CSMD1: variants seen among roughly 807,000 people sequenced by gnomAD.
CSMD1 encodes CUB and sushi domain-containing protein 1.
In CSMD1, 213 loss-of-function variants were observed where a neutral mutation model predicts 417.5. The observed-to-expected ratio is 0.51, with a 90% CI of 0.46 to 0.57. The LOEUF is 0.57. Among genes scored for constraint, CSMD1 ranks in the 20% least tolerant of loss-of-function variants. The pLI is 0.00. For missense variants in CSMD1, 6,923 were observed against 4,529.7 expected, an observed-to-expected ratio of 1.53 and a Z score of -15.17; for synonymous variants, 2,862 against 1,736.8, an observed-to-expected ratio of 1.65 and a Z score of -16.11.
At chr8:3,450,107 C>G (rs1815598713) in intron 12 of CSMD1, among the ~76,000 whole-genome samples, 1 of 152,156 alleles carries the variant, frequency 6.6e-6, no homozygotes, top group Non-Finnish European at 1.5e-5. Flanking sequence ...GTTTCACTTT[C>G]ATGTATGTGT....
At chr8:3,421,269 T>C (rs1441954532) in intron 12 of CSMD1, among the ~76,000 whole-genome samples, 1 of 152,218 alleles carries the variant, frequency 6.6e-6, no homozygotes. Context: ...GATCCAGGGA[T>C]TGGCCCTGAG....
At chr8:3,254,673 G>C (rs930007574) in intron 26 of CSMD1, among the ~76,000 whole-genome samples, 5 of 152,144 alleles carry the variant, frequency 3.3e-5, no homozygotes, top group African/African-American at 7.2e-5. Context: ...TGGCTATTGA[G>C]ACTTGTGCAT....
intron 3 of CSMD1, among the ~76,000 whole-genome samples, chr8:4,200,622 G>A (rs142391088): frequency 4.1e-4 from 63 of 152,290 alleles, no homozygotes; most frequent in African/African-American, 1.4e-3. Flanking sequence ...TTTGTAGGCT[G>A]AGGTGGGAGG....
At chr8:4,831,459 A>G (rs1032448264) in intron 1 of CSMD1, among the ~76,000 whole-genome samples, 11 of 152,202 alleles carry the variant, frequency 7.2e-5, no homozygotes, top group African/African-American at 2.7e-4. Context: ...TCTATGTGCC[A>G]AGCATTTTAC....
At chr8:4,411,739 A>C (rs1430631139) in intron 3 of CSMD1, among the ~76,000 whole-genome samples, 2 of 152,214 alleles carry the variant, frequency 1.3e-5, no homozygotes, top group Admixed American at 6.5e-5. Context: ...TTGTACATAT[A>C]GACGTTCACA....
intron 1 of CSMD1, among the ~76,000 whole-genome samples, chr8:4,905,617 A>ATTCT (rs1563728115): frequency 6.6e-6 from 1 of 151,794 alleles, no homozygotes; most frequent in Non-Finnish European, 1.5e-5. Flanking sequence ...CATGAGATCG[A>ATTCT]GGCCATCCTG....
At chr8:3,664,926 T>A (rs780770269) in intron 7 of CSMD1, among the ~76,000 whole-genome samples, 1 of 152,160 alleles carries the variant, frequency 6.6e-6, no homozygotes, top group Non-Finnish European at 1.5e-5. Context: ...CAGGGTTTCA[T>A]TTTGTCTCTG....
chr8:3,361,226 A>G (rs1348299969), intron 20 of CSMD1, among the ~76,000 whole-genome samples: 5 of 152,228 alleles, frequency 3.3e-5, no homozygotes, highest in Non-Finnish European at 7.3e-5. Flanking sequence ...TAAAGATGTC[A>G]CAATTCAGAT....
At chr8:4,665,288 A>G (rs147694335) in intron 1 of CSMD1, among the ~76,000 whole-genome samples, 9 of 152,272 alleles carry the variant, frequency 5.9e-5, no homozygotes, top group East Asian at 5.8e-4. Flanking sequence ...TTTCTCTCAG[A>G]TTGGCCTTCC....
intron 1 of CSMD1, among the ~76,000 whole-genome samples, chr8:4,852,035 C>G (rs1801511115): frequency 1.3e-5 from 2 of 152,154 alleles, no homozygotes; most frequent in South Asian, 2.1e-4. Context: ...CCTGTAATAC[C>G]TCCTCAGCAG....
chr8:4,357,844 A>C (rs559143807), intron 3 of CSMD1, among the ~76,000 whole-genome samples: 1 of 152,182 alleles, frequency 6.6e-6, no homozygotes, highest in African/African-American at 2.4e-5. Flanking sequence ...AGTGTGAGTA[A>C]TATCACTTAA....
intron 5 of CSMD1, among the ~76,000 whole-genome samples, chr8:3,817,085 G>C (rs955642148): frequency 2.0e-5 from 3 of 151,948 alleles, no homozygotes; most frequent in Admixed American, 1.3e-4. Flanking sequence ...GTTGAGATGA[G>C]GTCTCTGGGA....
At chr8:4,232,274 C>A (rs62478841) in intron 3 of CSMD1, among the ~76,000 whole-genome samples, 4 of 152,214 alleles carry the variant, frequency 2.6e-5, no homozygotes, top group Non-Finnish European at 5.9e-5. Context: ...TCTTGGCTCA[C>A]TGCAACCTCC....
intron 3 of CSMD1, among the ~76,000 whole-genome samples, chr8:4,388,307 CACACACACACACAG>C (rs1440288763): frequency 4.8e-4 from 51 of 106,236 alleles, no homozygotes; most frequent in Admixed American, 1.0e-3. Context: ...CTGTGATACA[CACACACACACACAG>C]ACACACACAC....
chr8:4,839,944 G>A (rs1035335795), intron 1 of CSMD1, among the ~76,000 whole-genome samples: 1 of 152,150 alleles, frequency 6.6e-6, no homozygotes, highest in African/African-American at 2.4e-5. Flanking sequence ...CACAGACCCG[G>A]AGACCAAAAG....
intron 2 of CSMD1, among the ~76,000 whole-genome samples, chr8:4,582,262 T>G (rs1261660480): frequency 1.3e-5 from 2 of 152,104 alleles, no homozygotes; most frequent in Non-Finnish European, 2.9e-5. Context: ...TAAAAAATGG[T>G]CCCGGACATG....
In CSMD1 at chr8:4,559,220, G is replaced by A. The variant is rs1022719437; in HGVS notation, c.302+78122C>T. On this transcript the variant is annotated intron_variant, in intron 2 of 69. Coordinates refer to ENST00000635120, the MANE Select transcript of CSMD1 (RefSeq NM_033225.6). Reference sequence around the variant, plus strand: ...TTTAGTCTCTTATGACTTTAAGTTGGATAAACTTAAAATGTTGGATAAACT... The same window carrying A: ...TTTAGTCTCTTATGACTTTAAGTTGAATAAACTTAAAATGTTGGATAAACT... 2.1e-5 allele frequency among the ~76,000 whole-genome samples: 3 copies of A among 144,340 alleles called. No homozygotes were observed. In the East Asian group the frequency reaches 5.8e-4, roughly 28 times the overall value. 94.7% of individuals were successfully genotyped at this position (144,340 alleles called of 152,430 possible). A position where few individuals can be genotyped will look rare whatever the true frequency, so the allele number is the denominator to read the frequency against.
chr8:4,660,182 A>G (rs1199384468), intron 1 of CSMD1, among the ~76,000 whole-genome samples: 2 of 151,758 alleles, frequency 1.3e-5, no homozygotes, highest in African/African-American at 4.8e-5. Flanking sequence ...AACTGTCCAT[A>G]TTTAAAGATG....
chr8:4,486,180 C>CAT lies in CSMD1; in HGVS notation c.303-66117_303-66116dup, dbSNP rs559383827. Among the ~76,000 whole-genome samples, 99 of 17,558 alleles carry CAT rather than the reference C, an allele frequency of 5.6e-3. 4 individuals carry two copies. Among genetic ancestry groups the CAT allele is most frequent in the Non-Finnish European group, 5.4e-3 (49 of 9,120 alleles). The allele number at this position is 17,558 out of a possible 152,430, so 11.5% of individuals were successfully genotyped here. A position where few individuals can be genotyped will look rare whatever the true frequency, so the allele number is the denominator to read the frequency against. ...ATACATACATATATATATATACATA[C>CAT]ATATATATATATATATATACATACA... On this transcript the variant is annotated intron_variant, in intron 2 of 69. Coordinates refer to ENST00000635120, the MANE Select transcript of CSMD1 (RefSeq NM_033225.6).
Sources: gnomAD v4.1 joint callset for allele counts (sites outside exome capture counted in the v4.1 genomes callset) on GRCh38, gnomAD v4.1.1 for gene constraint, MANE v1.5 for transcripts, NCBI Gene and HGNC (gene_info 2026-07-23, HGNC 2026-07-21) for gene names.